The following MAGI1 variants were observed in gnomAD, a reference collection of about 807,000 sequenced individuals.
The protein encoded by MAGI1 is membrane associated guanylate kinase, WW and PDZ domain containing 1.
A neutral mutation model predicts 139.9 loss-of-function variants in MAGI1; 58 were observed. The ratio of observed to expected loss-of-function variants is 0.41; its 90% CI spans 0.34 to 0.52. The LOEUF (loss-of-function observed/expected upper bound fraction) is 0.52, where lower values mean the gene tolerates loss of function less well. MAGI1 is among the 20% of genes least tolerant of loss of function. MAGI1 has a pLI of 0.12. For synonymous variants in MAGI1, 812 were observed against 737.9 expected, an observed-to-expected ratio of 1.10 and a Z score of -1.63; for missense variants, 1,874 against 1,901.6, an observed-to-expected ratio of 0.99 and a Z score of 0.27.
At chr3:65,679,903 C>T (rs1559780222) in intron 1 of MAGI1, among the ~76,000 whole-genome samples, 1 of 152,190 alleles carries the variant, frequency 6.6e-6, no homozygotes, top group East Asian at 1.9e-4. Flanking sequence ...TTCCATGAAG[C>T]TGGCTTGGGT....
At chr3:65,406,694 A>G (rs1945365226) in intron 12 of MAGI1, among the ~76,000 whole-genome samples, 1 of 139,504 alleles carries the variant, frequency 7.2e-6, no homozygotes, top group African/African-American at 2.5e-5. Flanking sequence ...TAAAAACTGA[A>G]AAACTGTCCT....
At chr3:65,850,756 G>T (rs1020672591) in intron 1 of MAGI1, among the ~76,000 whole-genome samples, 6 of 152,000 alleles carry the variant, frequency 3.9e-5, no homozygotes, top group Admixed American at 1.3e-4. Flanking sequence ...CTTTCTCCAC[G>T]GCTGAGAACA....
At chr3:65,417,231 C>T (rs1179417507) in intron 12 of MAGI1, among the ~76,000 whole-genome samples, 1 of 152,054 alleles carries the variant, frequency 6.6e-6, no homozygotes, top group Non-Finnish European at 1.5e-5. Context: ...AGGCTTAATA[C>T]TTAGGTGATG....
At chr3:65,856,774 T>C (rs1024874224) in intron 1 of MAGI1, among the ~76,000 whole-genome samples, 1 of 152,150 alleles carries the variant, frequency 6.6e-6, no homozygotes, top group Admixed American at 6.6e-5. Flanking sequence ...CTTAACCCTC[T>C]CTGCAAAACT....
chr3:65,942,172 G>C (rs540239406), intron 1 of MAGI1, among the ~76,000 whole-genome samples: 1 of 151,930 alleles, frequency 6.6e-6, no homozygotes, highest in East Asian at 1.9e-4. Flanking sequence ...GCACAGCACA[G>C]TCTGAGAGAA....
chr3:65,374,003 G>A (rs1942255025), intron 18 of MAGI1, among the ~76,000 whole-genome samples: 1 of 152,128 alleles, frequency 6.6e-6, no homozygotes, highest in African/African-American at 2.4e-5. Flanking sequence ...TCACTTTCTA[G>A]CAGTTAGTAT....
intron 1 of MAGI1, chr3:65,717,657 T>A (rs950872406): frequency 2.0e-5 from 3 of 152,220 alleles, no homozygotes; most frequent in Non-Finnish European, 2.9e-5. Flanking sequence ...TGAAAACATC[T>A]TGCAATATCT....
intron 2 of MAGI1, among the ~76,000 whole-genome samples, chr3:65,543,431 G>A (rs1365633132): frequency 2.0e-5 from 3 of 152,088 alleles, no homozygotes; most frequent in African/African-American, 7.2e-5. Context: ...AAATCATTCT[G>A]CTACAAAGAC....
At chr3:65,529,862 A>T (rs747372167) in intron 2 of MAGI1, among the ~76,000 whole-genome samples, 9 of 152,170 alleles carry the variant, frequency 5.9e-5, no homozygotes, top group Admixed American at 1.3e-4. Context: ...ACAGTAGCTC[A>T]TTTCTGCAGT....
chr3:65,671,795 C>T (rs1051867145), intron 1 of MAGI1, among the ~76,000 whole-genome samples: 1 of 152,148 alleles, frequency 6.6e-6, no homozygotes, highest in Non-Finnish European at 1.5e-5. Flanking sequence ...CACTCAGATA[C>T]CCATCACTTC....
Position 65,810,353 on chromosome 3 carries a change from G to A in MAGI1, c.314-188265C>T, listed in dbSNP as rs550433350. 7.8e-4 allele frequency among the ~76,000 whole-genome samples: 119 copies of A among 152,286 alleles called. 1 individual carries two copies. The highest frequency in any genetic ancestry group is 2.7e-3 in the African/African-American group (113 of 41,562). On this transcript the variant is annotated intron_variant, in intron 1 of 22. Coordinates refer to ENST00000402939, the MANE Select transcript of MAGI1 (RefSeq NM_001033057.2). The stretch of plus-strand genomic sequence containing the variant: ...CAGTCTCTATCCCATACACCCAAAC[G>A]GCTCATGAATGTGGCAGTAATGCCT...
intron 1 of MAGI1, among the ~76,000 whole-genome samples, chr3:66,015,111 G>C (rs1456318751): frequency 1.3e-5 from 2 of 149,320 alleles, no homozygotes; most frequent in African/African-American, 2.5e-5. Flanking sequence ...GGGAGGCTGA[G>C]GCAGGAGGAT....
At chr3:65,385,918 G>T (rs1211223409) in intron 14 of MAGI1, among the ~76,000 whole-genome samples, 10 of 152,176 alleles carry the variant, frequency 6.6e-5, no homozygotes, top group Admixed American at 6.5e-4. Context: ...AAATCAAGTT[G>T]TGTCTCCGTC....
chr3:65,658,943 C>T (rs2086037337), intron 1 of MAGI1, among the ~76,000 whole-genome samples: 1 of 152,148 alleles, frequency 6.6e-6, no homozygotes, highest in Admixed American at 6.5e-5. Context: ...TATATCCACA[C>T]CTTCTTTACT....
At chr3:65,840,100 C>T (rs989783521) in intron 1 of MAGI1, among the ~76,000 whole-genome samples, 2 of 151,482 alleles carry the variant, frequency 1.3e-5, no homozygotes, top group African/African-American at 4.9e-5. Context: ...TTTTTGTAAG[C>T]TTATCTTGTA....
intron 1 of MAGI1, among the ~76,000 whole-genome samples, chr3:65,665,331 C>A (rs1468885641): frequency 6.6e-6 from 1 of 151,956 alleles, no homozygotes; most frequent in Non-Finnish European, 1.5e-5. Context: ...CCACAGATTG[C>A]CAAGGTAACA....
At chr3:65,985,746 G>C (rs1010050062) in intron 1 of MAGI1, among the ~76,000 whole-genome samples, 3 of 152,162 alleles carry the variant, frequency 2.0e-5, no homozygotes, top group South Asian at 2.1e-4. Flanking sequence ...CAAGGAGAGG[G>C]GGTGGTTTTC....
intron 1 of MAGI1, among the ~76,000 whole-genome samples, chr3:65,812,345 C>T (rs1559906516): frequency 6.6e-6 from 1 of 152,010 alleles, no homozygotes; most frequent in Admixed American, 6.6e-5. Context: ...TGCTCCCCAG[C>T]AGGGCTAGCA....
chr3:65,802,455 G>A (rs991712698), intron 1 of MAGI1, among the ~76,000 whole-genome samples: 2 of 151,870 alleles, frequency 1.3e-5, no homozygotes, highest in Non-Finnish European at 2.9e-5. Flanking sequence ...AATAAAAGAT[G>A]GTAAACAGAG....
Sources: allele counts gnomAD v4.1 joint callset (sites outside exome capture counted in the v4.1 genomes callset), GRCh38; gene constraint gnomAD v4.1.1; transcripts MANE v1.5; gene names NCBI Gene and HGNC (gene_info 2026-07-23, HGNC 2026-07-21).